COL25A1: variants seen among roughly 807,000 people sequenced by gnomAD.
COL25A1 encodes collagen alpha-1(XXV) chain.
In COL25A1, 103 loss-of-function variants were observed where a neutral mutation model predicts 128.4. That is an observed-to-expected ratio of 0.80 (90% confidence interval 0.68 to 0.94). The LOEUF (loss-of-function observed/expected upper bound fraction) is 0.94, where lower values mean the gene tolerates loss of function less well. Among genes scored for constraint, COL25A1 ranks in the 40% least tolerant of loss-of-function variants. The pLI, the probability that COL25A1 is intolerant of heterozygous loss-of-function variation, is 0.00. For synonymous variants in COL25A1, 279 were observed against 277.2 expected (o/e 1.01, Z -0.06); for missense variants, 745 against 840.0 (o/e 0.89, Z 1.40).
rs139492478 is a variant in COL25A1 at position 109,212,406 on chromosome 4, T to A, written c.367+88177A>T. 3.6e-3 allele frequency among the ~76,000 whole-genome samples: 551 copies of A among 152,258 alleles called. 4 individuals carry two copies. The highest frequency in any genetic ancestry group is 0.013 in the East Asian group (66 of 5,178). ...TCTATGTGGCTTGGCATTATTATGA[T>A]ATAGAGGCTGAGTTCCAAAAGGGAG... On this transcript the variant is annotated intron_variant, in intron 3 of 37. Coordinates refer to ENST00000399132, the MANE Select transcript of COL25A1 (RefSeq NM_198721.4).
At chr4:109,152,906 A>G (rs1771646973) in intron 3 of COL25A1, among the ~76,000 whole-genome samples, 1 of 152,102 alleles carries the variant, frequency 6.6e-6, no homozygotes, top group Admixed American at 6.5e-5. Context: ...ATGGCGTTTA[A>G]TGGGTACAGA....
intron 8 of COL25A1, among the ~76,000 whole-genome samples, chr4:108,958,923 A>C (rs6852583): frequency 0.3 from 46,079 of 151,866 alleles, 7,546 homozygotes; most frequent in South Asian, 0.46. Context: ...AATTCGATAA[A>C]TTTTAAAATA....
chr4:109,022,851 G>T (rs1648038), intron 5 of COL25A1, among the ~76,000 whole-genome samples: 4 of 151,904 alleles, frequency 2.6e-5, no homozygotes, highest in Middle Eastern at 3.2e-3. Flanking sequence ...ACACTGCTTT[G>T]GGGTGTTACA....
At chr4:108,910,062 C>G (rs986914535) in intron 13 of COL25A1, among the ~76,000 whole-genome samples, 1 of 152,118 alleles carries the variant, frequency 6.6e-6, no homozygotes, top group Admixed American at 6.6e-5. Flanking sequence ...TAAGGAAATA[C>G]CTTTATTTTT....
chr4:109,228,832 G>C (rs1778977466), intron 3 of COL25A1, among the ~76,000 whole-genome samples: 1 of 152,132 alleles, frequency 6.6e-6, no homozygotes, highest in Non-Finnish European at 1.5e-5. Flanking sequence ...ATACTACTGT[G>C]GAATTCCAGA....
Position 108,859,678 on chromosome 4 carries a change from C to T in COL25A1, c.1298G>A (p.Gly433Asp), listed in dbSNP as rs779434923. The T allele has an allele frequency of 6.2e-7, 1 of 1,613,730 alleles. No individual in the cohort carries two copies. The highest frequency in any genetic ancestry group is 1.1e-5 in the South Asian group (1 of 91,046). ...TGCCTGTAAGGCTTCGTGGAGGTTGCCGTTGTAGTCTATGATCTCAGTGGC... is the reference window on the plus strand; with the variant it reads ...TGCCTGTAAGGCTTCGTGGAGGTTGTCGTTGTAGTCTATGATCTCAGTGGC... ...QGATEIIDYN[G>D]NLHEALQRIT... is the part of the protein sequence containing the mutation. The change falls in exon 24 of 38, where the codon GGC (glycine) becomes GAC (aspartate). Residue 433 changes from glycine to aspartate, a missense_variant. This residue lies in a region of COL25A1 where 387 missense variants were observed against 441.9 expected (regional missense o/e 0.88). Transcript: ENST00000399132.
intron 3 of COL25A1, among the ~76,000 whole-genome samples, chr4:109,112,044 T>G (rs1002270330): frequency 6.6e-6 from 1 of 152,136 alleles, no homozygotes; most frequent in African/African-American, 2.4e-5. Context: ...TTTCTTAGTC[T>G]TGGTTGCTTT....
chr4:109,125,790 G>A (rs1191172708), intron 3 of COL25A1, among the ~76,000 whole-genome samples: 1 of 152,068 alleles, frequency 6.6e-6, no homozygotes, highest in Non-Finnish European at 1.5e-5. Context: ...GAAGCCCGAG[G>A]GAGCTGATCA....
chr4:109,095,004 C>T (rs1765270820), intron 3 of COL25A1, among the ~76,000 whole-genome samples: 1 of 152,324 alleles, frequency 6.6e-6, no homozygotes, highest in African/African-American at 2.4e-5. Flanking sequence ...ATACAATTCA[C>T]TTTATTCTAC....
chr4:108,978,247 C>T (rs562759960), intron 6 of COL25A1, among the ~76,000 whole-genome samples: 7 of 152,260 alleles, frequency 4.6e-5, no homozygotes, highest in Non-Finnish European at 1.0e-4. Flanking sequence ...AGGTCAACCT[C>T]CATGCACAGC....
chr4:108,815,875 C>T (rs62313138), intron 37 of COL25A1, among the ~76,000 whole-genome samples: 46,622 of 151,966 alleles, frequency 0.31, 7,967 homozygotes, highest in South Asian at 0.43. Flanking sequence ...AGAACGATTG[C>T]GAACCCAAGT....
intron 19 of COL25A1, among the ~76,000 whole-genome samples, chr4:108,873,960 G>A (rs923753303): frequency 1.1e-4 from 16 of 152,102 alleles, no homozygotes; most frequent in Admixed American, 4.6e-4. Context: ...ATTGATGTAC[G>A]GTTTAAAGGT....
At position 108,937,407 on chromosome 4, in the gene COL25A1, G is replaced by A. The variant is rs554746130; in HGVS notation, c.708+401C>T. Among the ~76,000 whole-genome samples the A allele has an allele frequency of 3.3e-5, 5 of 152,054 alleles. No homozygotes were observed. In the South Asian group the frequency reaches 1.0e-3, roughly 32 times the overall value. Reference sequence around the variant, plus strand: ...CTCCGGGTAGAGATATTCAACAGTAGAAAAATTCTGAATCACTGTGCAAAG... The same window carrying A: ...CTCCGGGTAGAGATATTCAACAGTAAAAAAATTCTGAATCACTGTGCAAAG... On this transcript the variant is annotated intron_variant, in intron 11 of 37. Transcript: ENST00000399132.
At chr4:109,190,271 T>C (rs144156421) in intron 3 of COL25A1, among the ~76,000 whole-genome samples, 1 of 152,206 alleles carries the variant, frequency 6.6e-6, no homozygotes, top group Non-Finnish European at 1.5e-5. Flanking sequence ...AAAAAAATCA[T>C]GGATATACAA....
At chr4:109,092,496 C>T (rs910677279) in intron 3 of COL25A1, among the ~76,000 whole-genome samples, 1 of 152,118 alleles carries the variant, frequency 6.6e-6, no homozygotes, top group Non-Finnish European at 1.5e-5. Flanking sequence ...CATGCGTGCA[C>T]ACACCACGCC....
At chr4:109,278,588 A>G (rs1212420860) in intron 3 of COL25A1, among the ~76,000 whole-genome samples, 4 of 152,240 alleles carry the variant, frequency 2.6e-5, no homozygotes, top group African/African-American at 9.6e-5. Context: ...TTACAATACA[A>G]TACACTGAGT....
At chr4:109,212,540 C>A (rs958102993) in intron 3 of COL25A1, among the ~76,000 whole-genome samples, 1 of 152,078 alleles carries the variant, frequency 6.6e-6, no homozygotes, top group Non-Finnish European at 1.5e-5. Context: ...GAAATCAAGG[C>A]AAGTCCAGAT....
chr4:109,021,986 T>A (rs955749895), intron 5 of COL25A1, among the ~76,000 whole-genome samples: 3 of 152,218 alleles, frequency 2.0e-5, no homozygotes, highest in Non-Finnish European at 4.4e-5. Flanking sequence ...CATAGACCCT[T>A]ATCAGGAGTT....
intron 6 of COL25A1, among the ~76,000 whole-genome samples, chr4:108,982,790 T>A (rs1283209464): frequency 6.6e-6 from 1 of 152,222 alleles, no homozygotes; most frequent in Non-Finnish European, 1.5e-5. Flanking sequence ...TATTATTTTC[T>A]GGGCATTTTC....
Sources: gnomAD v4.1 joint callset for allele counts (sites outside exome capture counted in the v4.1 genomes callset) on GRCh38, gnomAD v4.1.1 for gene constraint, gnomAD v4.1.1 regional missense constraint, MANE v1.5 for transcripts, NCBI Gene and HGNC (gene_info 2026-07-23, HGNC 2026-07-21) for gene names.